Variants in IMMP2L observed in about 807,000 individuals in gnomAD.
IMMP2L encodes the protein mitochondrial inner membrane protease subunit 2.
A neutral mutation model predicts 19.3 loss-of-function variants in IMMP2L; 18 were observed. The observed-to-expected ratio is 0.93, with a 90% CI of 0.64 to 1.38. The LOEUF (loss-of-function observed/expected upper bound fraction) is 1.38. Ranked by LOEUF, IMMP2L falls within the 40% of genes most tolerant of loss-of-function variation. The pLI, the probability that IMMP2L is intolerant of heterozygous loss-of-function variation, is 0.00. For synonymous variants in IMMP2L, 76 were observed against 73.0 expected (o/e 1.04, Z -0.21); for missense variants, 233 against 218.2 (o/e 1.07, Z -0.43).
chr7:111,286,425 A>C (rs1820491006), intron 3 of IMMP2L, among the ~76,000 whole-genome samples: 1 of 152,142 alleles, frequency 6.6e-6, no homozygotes. Flanking sequence ...CAATCTGTCA[A>C]TGATTACACC....
At chr7:111,394,354 G>A (rs974340638) in intron 3 of IMMP2L, among the ~76,000 whole-genome samples, 3 of 152,066 alleles carry the variant, frequency 2.0e-5, no homozygotes, top group African/African-American at 7.2e-5. Context: ...CATCATTGAT[G>A]ACATCAACAT....
At chr7:111,187,659 TATG>T (rs1173708359) in intron 3 of IMMP2L, among the ~76,000 whole-genome samples, 1 of 152,152 alleles carries the variant, frequency 6.6e-6, no homozygotes, top group African/African-American at 2.4e-5. Context: ...TAATAATCAT[TATG>T]ATGGCAAACA....
chr7:111,447,200 C>G (rs1838571560), intron 3 of IMMP2L, among the ~76,000 whole-genome samples: 1 of 145,866 alleles, frequency 6.9e-6, no homozygotes, highest in Admixed American at 6.8e-5. Flanking sequence ...TCAGGAAATA[C>G]AGAGAACGCC....
chr7:110,819,690 C>T (rs554616404), intron 5 of IMMP2L, among the ~76,000 whole-genome samples: 3 of 152,042 alleles, frequency 2.0e-5, no homozygotes, highest in African/African-American at 7.2e-5. Flanking sequence ...CAAAATGTCC[C>T]ACTGTAGAAC....
chr7:111,044,921 G>T (rs1792250006), intron 3 of IMMP2L, among the ~76,000 whole-genome samples: 2 of 152,034 alleles, frequency 1.3e-5, no homozygotes, highest in African/African-American at 2.4e-5. Context: ...TTTATACACT[G>T]CCTGGACTTA....
chr7:111,188,895 C>G (rs957632279), intron 3 of IMMP2L, among the ~76,000 whole-genome samples: 2 of 152,048 alleles, frequency 1.3e-5, no homozygotes, highest in Non-Finnish European at 2.9e-5. Context: ...CTAATATGAT[C>G]TTTTTAAGCC....
rs769488500 is a variant in IMMP2L, at chr7:111,560,074, T to C, written c.-3+1777A>G. The stretch of plus-strand genomic sequence containing the variant: ...ATATATAATACGCAGTTAAGATGTA[T>C]ACATGTTTAACATATACTTAAGCTG... On this transcript the variant is annotated intron_variant, in intron 1 of 5. Coordinates refer to ENST00000405709, the MANE Select transcript of IMMP2L (RefSeq NM_032549.4). Among the ~76,000 whole-genome samples the C allele has an allele frequency of 3.6e-4, 55 of 152,176 alleles. 1 individual carries two copies. The highest frequency in any genetic ancestry group is 7.4e-4 in the Non-Finnish European group (50 of 68,024).
intron 4 of IMMP2L, among the ~76,000 whole-genome samples, chr7:110,896,812 C>T (rs1435346233): frequency 6.9e-6 from 1 of 144,076 alleles, no homozygotes; most frequent in Non-Finnish European, 1.5e-5. Context: ...GTGCATTCTG[C>T]TTTTTTTTTT....
intron 3 of IMMP2L, among the ~76,000 whole-genome samples, chr7:111,084,155 C>T (rs1016899427): frequency 7.2e-5 from 11 of 151,742 alleles, no homozygotes; most frequent in African/African-American, 2.2e-4. Context: ...AGGTAAGAGA[C>T]GATGAATATC....
chr7:110,996,980 T>C (rs1158313668), intron 3 of IMMP2L, among the ~76,000 whole-genome samples: 1 of 151,874 alleles, frequency 6.6e-6, no homozygotes, highest in African/African-American at 2.4e-5. Flanking sequence ...ATGTGCAATT[T>C]TATTACACAT....
intron 3 of IMMP2L, among the ~76,000 whole-genome samples, chr7:111,088,405 T>G (rs1796539469): frequency 6.6e-6 from 1 of 151,958 alleles, no homozygotes; most frequent in African/African-American, 2.4e-5. Context: ...TGGTTTACAA[T>G]GTGAAATTTC....
At chr7:110,737,391 G>A (rs952206081) in intron 5 of IMMP2L, among the ~76,000 whole-genome samples, 1 of 152,178 alleles carries the variant, frequency 6.6e-6, no homozygotes, top group African/African-American at 2.4e-5. Context: ...AGCAGGGTGA[G>A]GCCTGTGACT....
At chr7:111,509,069 A>G (rs1490895810) in intron 2 of IMMP2L, among the ~76,000 whole-genome samples, 1 of 152,188 alleles carries the variant, frequency 6.6e-6, no homozygotes, top group Non-Finnish European at 1.5e-5. Flanking sequence ...AAACAAAGGC[A>G]ATCAGGATTT....
intron 3 of IMMP2L, among the ~76,000 whole-genome samples, chr7:111,354,331 T>C (rs1828479879): frequency 6.6e-6 from 1 of 151,960 alleles, no homozygotes; most frequent in South Asian, 2.1e-4. Context: ...TTACCATCTT[T>C]ATTGATACCT....
intron 5 of IMMP2L, among the ~76,000 whole-genome samples, chr7:110,875,324 G>A (rs776866435): frequency 4.6e-5 from 7 of 151,986 alleles, no homozygotes; most frequent in Non-Finnish European, 7.4e-5. Context: ...TTAATTTAAT[G>A]GTAATTATCA....
chr7:110,961,037 A>C (rs1345187593), intron 4 of IMMP2L, among the ~76,000 whole-genome samples: 1 of 151,894 alleles, frequency 6.6e-6, no homozygotes, highest in East Asian at 1.9e-4. Context: ...CACAATACCA[A>C]GTGCTGGCAA....
chr7:111,451,283 T>A (rs1223596413), intron 3 of IMMP2L, among the ~76,000 whole-genome samples: 1 of 150,288 alleles, frequency 6.7e-6, no homozygotes, highest in East Asian at 1.9e-4. Context: ...TGCGGCATTA[T>A]TCACAATAGC....
chr7:110,840,959 A>G (rs1805021031), intron 5 of IMMP2L, among the ~76,000 whole-genome samples: 2 of 152,072 alleles, frequency 1.3e-5, no homozygotes, highest in South Asian at 4.1e-4. Context: ...GTAATATAAC[A>G]AACCATGAGC....
At chr7:110,720,118 C>A (rs1403169919) in intron 5 of IMMP2L, among the ~76,000 whole-genome samples, 3 of 152,090 alleles carry the variant, frequency 2.0e-5, no homozygotes, top group African/African-American at 7.2e-5. Context: ...GACAGATCAT[C>A]GTTACTGGAT....
Sources: gnomAD v4.1 joint callset for allele counts (sites outside exome capture counted in the v4.1 genomes callset) on GRCh38, gnomAD v4.1.1 for gene constraint, MANE v1.5 for transcripts, NCBI Gene and HGNC (gene_info 2026-07-23, HGNC 2026-07-21) for gene names.